The following MBD2 variants were observed in gnomAD, a reference collection of about 807,000 sequenced individuals.
MBD2 encodes methyl-CpG binding domain protein 2, also known as methyl-CpG-binding domain protein 2.
A neutral mutation model predicts 39.3 loss-of-function variants in MBD2; 9 were observed. The observed-to-expected ratio is 0.23, with a 90% CI of 0.14 to 0.40. MBD2 has a LOEUF of 0.40. MBD2 is among the 10% of genes least tolerant of loss of function. The pLI, the probability that MBD2 is intolerant of heterozygous loss-of-function variation, is 1.00. For synonymous variants in MBD2, 233 were observed against 211.1 expected, an observed-to-expected ratio of 1.10 and a Z score of -0.90; for missense variants, 458 against 532.6, an observed-to-expected ratio of 0.86 and a Z score of 1.38.
At chr18:54,215,522 C>T (rs1179171469) in intron 1 of MBD2, among the ~76,000 whole-genome samples, 1 of 147,238 alleles carries the variant, frequency 6.8e-6, no homozygotes, top group Non-Finnish European at 1.5e-5. Context: ...ATGGATCTCC[C>T]TCTGCTGCCA....
chr18:54,203,369 G>A (rs1323324900), intron 2 of MBD2, among the ~76,000 whole-genome samples: 2 of 152,132 alleles, frequency 1.3e-5, no homozygotes, highest in South Asian at 2.1e-4. Flanking sequence ...AGTAACCCCA[G>A]AATAAAGGTT....
intron 2 of MBD2, 40 bp from the exon 3 acceptor site, chr18:54,189,051 T>G (rs747138343): frequency 7.4e-7 from 1 of 1,359,302 alleles, no homozygotes; most frequent in East Asian, 2.5e-5. Context: ...ATATTATATA[T>G]AAACACAATC....
At chr18:54,179,066 T>C (rs1235776968) in intron 3 of MBD2, among the ~76,000 whole-genome samples, 1 of 152,198 alleles carries the variant, frequency 6.6e-6, no homozygotes, top group Non-Finnish European at 1.5e-5. Flanking sequence ...GGTGTGCACC[T>C]GTAGTCCCAG....
intron 5 of MBD2, among the ~76,000 whole-genome samples, chr18:54,160,453 AC>A (rs2086088115): frequency 6.6e-6 from 1 of 151,878 alleles, no homozygotes; most frequent in Non-Finnish European, 1.5e-5. Context: ...GATCCTGCAC[AC>A]CGAGGACAGA....
chr18:54,166,780 C>A (rs1046153709), intron 3 of MBD2, among the ~76,000 whole-genome samples: 6 of 152,208 alleles, frequency 3.9e-5, no homozygotes, highest in African/African-American at 1.4e-4. Context: ...CACTTAGTAG[C>A]CCCAGGTCAT....
chr18:54,168,699 A>C (rs2086156485), intron 3 of MBD2, among the ~76,000 whole-genome samples: 1 of 146,694 alleles, frequency 6.8e-6, no homozygotes, highest in African/African-American at 2.6e-5. Context: ...AGAAATGGGG[A>C]GTGAAAAAGG....
intron 1 of MBD2, chr18:54,222,374 T>A (rs2086622501): frequency 1.9e-6 from 1 of 518,324 alleles, no homozygotes; most frequent in African/African-American, 1.9e-5. Context: ...TACCAAATCC[T>A]GGCCCCACAG....
chr18:54,170,787 C>T (rs908568903), intron 3 of MBD2, among the ~76,000 whole-genome samples: 1 of 152,056 alleles, frequency 6.6e-6, no homozygotes, highest in Non-Finnish European at 1.5e-5. Flanking sequence ...TTGGGAAGAC[C>T]TGGAAAGGCT....
At chr18:54,169,952 A>G (rs774827072) in intron 3 of MBD2, among the ~76,000 whole-genome samples, 4 of 152,228 alleles carry the variant, frequency 2.6e-5, no homozygotes, top group Non-Finnish European at 4.4e-5. Context: ...GGCTAGCTCC[A>G]CATGCCTATC....
chr18:54,219,418 G>C (rs1194289923), intron 1 of MBD2, among the ~76,000 whole-genome samples: 4 of 152,224 alleles, frequency 2.6e-5, no homozygotes, highest in African/African-American at 9.7e-5. Flanking sequence ...TAGCATCTGA[G>C]TGTTTGGCAT....
At chr18:54,173,888 A>G (rs1352470688) in intron 3 of MBD2, among the ~76,000 whole-genome samples, 1 of 152,160 alleles carries the variant, frequency 6.6e-6, no homozygotes, top group Non-Finnish European at 1.5e-5. Flanking sequence ...ATTTCCTAAA[A>G]CTGTAATCTT....
intron 3 of MBD2, among the ~76,000 whole-genome samples, chr18:54,167,624 T>A (rs1462612210): frequency 6.6e-6 from 1 of 152,200 alleles, no homozygotes; most frequent in Non-Finnish European, 1.5e-5. Context: ...AATGAGAAGA[T>A]AAAGTAGTGT....
intron 2 of MBD2, among the ~76,000 whole-genome samples, chr18:54,199,811 A>G (rs2086392106): frequency 6.6e-6 from 1 of 151,950 alleles, no homozygotes; most frequent in Non-Finnish European, 1.5e-5. Flanking sequence ...TATTCTCCCT[A>G]CTTCTAGTTT....
intron 3 of MBD2, among the ~76,000 whole-genome samples, chr18:54,185,927 C>G (rs561707498): frequency 6.6e-6 from 1 of 152,168 alleles, no homozygotes; most frequent in South Asian, 2.1e-4. Context: ...CTAATTTGCA[C>G]TTTTAAAGCT....
chr18:54,212,047 G>A (rs896123284), intron 1 of MBD2, among the ~76,000 whole-genome samples: 25 of 151,780 alleles, frequency 1.6e-4, no homozygotes, highest in African/African-American at 5.6e-4. Context: ...TAGTAGAGAC[G>A]GGGTTTCACT....
intron 1 of MBD2, among the ~76,000 whole-genome samples, chr18:54,220,388 C>A (rs941598518): frequency 6.6e-6 from 1 of 151,966 alleles, no homozygotes; most frequent in Admixed American, 6.6e-5. Flanking sequence ...AATTATATTG[C>A]GTTAACTGGC....
At chr18:54,166,514 G>A (rs1002659396) in intron 3 of MBD2, among the ~76,000 whole-genome samples, 13 of 152,074 alleles carry the variant, frequency 8.5e-5, no homozygotes, top group South Asian at 4.2e-4. Flanking sequence ...TTAATGCTAC[G>A]ACTTATTAAG....
chr18:54,213,885 C>T (rs1035473276), intron 1 of MBD2, among the ~76,000 whole-genome samples: 5 of 151,850 alleles, frequency 3.3e-5, no homozygotes, highest in African/African-American at 1.2e-4. Context: ...TATCCTTACA[C>T]ATATATCTTA....
chr18:54,171,071 T>C (rs1159550214), intron 3 of MBD2, among the ~76,000 whole-genome samples: 3 of 151,950 alleles, frequency 2.0e-5, no homozygotes, highest in African/African-American at 7.3e-5. Context: ...CTGATGCAGG[T>C]TCGAGTTATG....
Sources: gnomAD v4.1 joint callset for allele counts (sites outside exome capture counted in the v4.1 genomes callset) on GRCh38, gnomAD v4.1.1 for gene constraint, MANE v1.5 for transcripts, NCBI Gene and HGNC (gene_info 2026-07-23, HGNC 2026-07-21) for gene names.